Variants in ZMAT4 observed in about 807,000 individuals in gnomAD.
The protein encoded by ZMAT4 is zinc finger matrin-type protein 4.
Under a neutral mutation model 28.7 loss-of-function variants are expected in ZMAT4, and 17 were observed. The ratio of observed to expected loss-of-function variants is 0.59; its 90% CI spans 0.41 to 0.89. The LOEUF (loss-of-function observed/expected upper bound fraction) is 0.89. Ranked by LOEUF, ZMAT4 falls within the 40% of genes least tolerant of loss-of-function variation. The pLI, the probability that ZMAT4 is intolerant of heterozygous loss-of-function variation, is 0.00. For missense variants in ZMAT4, 240 were observed against 283.8 expected, an observed-to-expected ratio of 0.85 and a Z score of 1.11; for synonymous variants, 117 against 109.2, an observed-to-expected ratio of 1.07 and a Z score of -0.44.
chr8:40,595,230 G>T (rs1396152956), intron 5 of ZMAT4, among the ~76,000 whole-genome samples: 2 of 152,184 alleles, frequency 1.3e-5, no homozygotes, highest in Non-Finnish European at 2.9e-5. Flanking sequence ...ACTCTGAGGA[G>T]GCAGTGGCTT....
intron 2 of ZMAT4, among the ~76,000 whole-genome samples, chr8:40,822,689 CT>C (rs1176167942): frequency 1.3e-5 from 2 of 152,200 alleles, no homozygotes; most frequent in African/African-American, 4.8e-5. Flanking sequence ...TGACTGTGCC[CT>C]TTTCACATGC....
chr8:40,542,635 C>G (rs935611160), intron 6 of ZMAT4, among the ~76,000 whole-genome samples: 1 of 152,088 alleles, frequency 6.6e-6, no homozygotes, highest in Non-Finnish European at 1.5e-5. Flanking sequence ...CTGATCCACC[C>G]GCTTCTGCCT....
At chr8:40,853,862 G>T (rs1177766207) in intron 1 of ZMAT4, among the ~76,000 whole-genome samples, 1 of 152,188 alleles carries the variant, frequency 6.6e-6, no homozygotes, top group Admixed American at 6.5e-5. Context: ...TCTGTATGAT[G>T]CTATAAAGGA....
At chr8:40,584,664 G>A (rs544936054) in intron 5 of ZMAT4, among the ~76,000 whole-genome samples, 3 of 151,856 alleles carry the variant, frequency 2.0e-5, no homozygotes, top group Admixed American at 1.3e-4. Flanking sequence ...ATGGAGTCTC[G>A]CCCTGTCACC....
At chr8:40,854,148 G>A (rs772525368) in intron 1 of ZMAT4, among the ~76,000 whole-genome samples, 10 of 152,036 alleles carry the variant, frequency 6.6e-5, no homozygotes, top group East Asian at 1.9e-4. Flanking sequence ...CCCACCAGGC[G>A]CCACCTCCAA....
intron 4 of ZMAT4, among the ~76,000 whole-genome samples, chr8:40,682,626 C>T (rs1585871634): frequency 1.3e-5 from 2 of 152,276 alleles, no homozygotes; most frequent in Admixed American, 6.5e-5. Flanking sequence ...AAAATACATG[C>T]CATTTCACAT....
chr8:40,852,926 T>C (rs958430280), intron 1 of ZMAT4, among the ~76,000 whole-genome samples: 7 of 152,196 alleles, frequency 4.6e-5, no homozygotes, highest in African/African-American at 1.7e-4. Context: ...TTCTAATTTT[T>C]GCTTGAGTGA....
intron 5 of ZMAT4, among the ~76,000 whole-genome samples, chr8:40,612,253 C>T (rs1330800194): frequency 2.3e-5 from 2 of 88,596 alleles, no homozygotes; most frequent in African/African-American, 6.0e-5. Context: ...GAACTGTGTG[C>T]ATGCTAAATC....
At chr8:40,775,611 TCTA>T (rs1164301235) in intron 2 of ZMAT4, among the ~76,000 whole-genome samples, 2 of 152,220 alleles carry the variant, frequency 1.3e-5, no homozygotes, top group African/African-American at 4.8e-5. Context: ...AATTAACTCC[TCTA>T]CTGTTTCCAA....
At chr8:40,780,025 TC>T (rs1813765384) in intron 2 of ZMAT4, among the ~76,000 whole-genome samples, 1 of 151,948 alleles carries the variant, frequency 6.6e-6, no homozygotes, top group African/African-American at 2.4e-5. Context: ...TATCTTTCCC[TC>T]CCCTCCCAAC....
chr8:40,640,452 G>A (rs1806968850), intron 5 of ZMAT4, among the ~76,000 whole-genome samples: 1 of 152,134 alleles, frequency 6.6e-6, no homozygotes. Flanking sequence ...TCACCTCTCT[G>A]CATTGTTCTC....
rs796935728 is a variant in ZMAT4 at position 40,695,959 on chromosome 8, A to C, written c.349+1286T>G. 3.9e-5 allele frequency among the ~76,000 whole-genome samples: 6 copies of C among 152,198 alleles called. 1 individual carries two copies. Among genetic ancestry groups the C allele is most frequent in the African/African-American group, 1.4e-4 (6 of 41,530 alleles). ...GGTTATTAATTCATGGAAAACAGGT[A>C]AAAATTTTCCAGTGACTGTTTTTTT... On this transcript the variant is annotated intron_variant, in intron 4 of 6. Coordinates refer to ENST00000297737, the MANE Select transcript of ZMAT4 (RefSeq NM_024645.3).
chr8:40,890,410 A>G (rs943060973), intron 1 of ZMAT4, among the ~76,000 whole-genome samples: 2 of 151,966 alleles, frequency 1.3e-5, no homozygotes, highest in African/African-American at 4.8e-5. Flanking sequence ...CCTCCCGGGG[A>G]TGAATAATTC....
chr8:40,796,171 C>T (rs532841152), intron 2 of ZMAT4, among the ~76,000 whole-genome samples: 1 of 152,280 alleles, frequency 6.6e-6, no homozygotes, highest in East Asian at 1.9e-4. Context: ...GCCTGTATAT[C>T]AACAGATACC....
chr8:40,854,224 G>T (rs1254469568), intron 1 of ZMAT4, among the ~76,000 whole-genome samples: 1 of 152,176 alleles, frequency 6.6e-6, no homozygotes, highest in East Asian at 1.9e-4. Context: ...CAGAGTCTTA[G>T]GAAACCTGAG....
chr8:40,748,455 G>C (rs750585007), intron 3 of ZMAT4, among the ~76,000 whole-genome samples: 1 of 152,144 alleles, frequency 6.6e-6, no homozygotes, highest in Non-Finnish European at 1.5e-5. Context: ...GAAAGGAGGG[G>C]AATACAACCA....
chr8:40,575,790 A>C (rs1804244911), intron 6 of ZMAT4, among the ~76,000 whole-genome samples: 1 of 152,074 alleles, frequency 6.6e-6, no homozygotes, highest in African/African-American at 2.4e-5. Flanking sequence ...AAAGGATCAT[A>C]ATTCCTCAGT....
intron 5 of ZMAT4, among the ~76,000 whole-genome samples, chr8:40,601,462 A>G (rs1408702091): frequency 9.7e-5 from 8 of 82,744 alleles, no homozygotes; most frequent in East Asian, 4.0e-4. Context: ...GGAAGGGAGG[A>G]AGAAAGGAAA....
At chr8:40,764,131 G>A (rs768192577) in intron 3 of ZMAT4, among the ~76,000 whole-genome samples, 15 of 152,134 alleles carry the variant, frequency 9.9e-5, no homozygotes, top group South Asian at 8.3e-4. Context: ...AATGGACTGC[G>A]TGAACACTGA....
Sources: gnomAD v4.1 joint callset for allele counts (sites outside exome capture counted in the v4.1 genomes callset) on GRCh38, gnomAD v4.1.1 for gene constraint, MANE v1.5 for transcripts, NCBI Gene and HGNC (gene_info 2026-07-23, HGNC 2026-07-21) for gene names.